The following P2RX5 variants were observed in gnomAD, a reference collection of about 807,000 sequenced individuals.
The protein encoded by P2RX5 is purinergic receptor P2X 5, also known as P2X purinoceptor 5.
In P2RX5, 46 loss-of-function variants were observed where a neutral mutation model predicts 54.1. That is an observed-to-expected ratio of 0.85 (90% CI 0.67 to 1.09). The LOEUF (loss-of-function observed/expected upper bound fraction) is 1.09, where lower values mean the gene tolerates loss of function less well. Ranked by LOEUF, P2RX5 falls within the 50% of genes least tolerant of loss-of-function variation. The pLI is 0.00. For synonymous variants in P2RX5, 226 were observed against 226.4 expected (o/e 1.00, Z 0.02); for missense variants, 566 against 549.8 (o/e 1.03, Z -0.29).
chr17:3,716,825 T>C, the P2RX5 span: 13 of 1,299,034 alleles, frequency 1.0e-5, no homozygotes, highest in Non-Finnish European at 1.4e-5. Flanking sequence ...GATCGCCCAA[T>C]AAATCAGGTG....
At chr17:3,713,315 G>A in the P2RX5 span, among the ~76,000 whole-genome samples, 3 of 151,686 alleles carry the variant, frequency 2.0e-5, no homozygotes, top group African/African-American at 2.4e-5. Context: ...ACCTATGACT[G>A]CATCACTGCC....
the P2RX5 span, chr17:3,714,937 GC>G: frequency 6.3e-7 from 1 of 1,593,826 alleles, no homozygotes; most frequent in Non-Finnish European, 8.6e-7. Context: ...TTTTAAAAAA[GC>G]CACACTGAAA....
At chr17:3,716,566 GAAA>G in the P2RX5 span, 1 of 669,114 alleles carries the variant, frequency 1.5e-6, no homozygotes, top group Non-Finnish European at 2.7e-6. Context: ...TGAAGGAGGA[GAAA>G]AAAGTGGCCA....
At chr17:3,692,111 T>G in intron 1 of P2RX5, 1 of 312,954 alleles carries the variant, frequency 3.2e-6, no homozygotes, top group Non-Finnish European at 6.0e-6. Flanking sequence ...GAGACCATCC[T>G]GGCTAACACA....
At chr17:3,699,634 CT>C (rs1433350531), upstream of P2RX5, among the ~76,000 whole-genome samples, 1 of 151,280 alleles carries the variant, frequency 6.6e-6, no homozygotes, top group Non-Finnish European at 1.5e-5. Flanking sequence ...GTGAAACCCC[CT>C]CTCTATGAAA....
chr17:3,677,568 C>T (rs915368293), intron 11 of P2RX5: 19 of 985,418 alleles, frequency 1.9e-5, no homozygotes, highest in Non-Finnish European at 2.2e-5. Context: ...CCATCATTCT[C>T]GGCAGGGATT....
chr17:3,674,293 G>A (rs561476676), intron 11 of P2RX5, among the ~76,000 whole-genome samples: 4 of 151,466 alleles, frequency 2.6e-5, no homozygotes, highest in African/African-American at 7.3e-5. Flanking sequence ...TCCAGCCTGG[G>A]CGATAAAGCG....
the P2RX5 span, among the ~76,000 whole-genome samples, chr17:3,701,510 T>C: frequency 6.6e-6 from 1 of 151,984 alleles, no homozygotes; most frequent in Non-Finnish European, 1.5e-5. Flanking sequence ...CTGAACAATA[T>C]GGAGAAACCC....
intron 11 of P2RX5, chr17:3,676,052 C>G: frequency 1.0e-6 from 1 of 985,466 alleles, no homozygotes; most frequent in South Asian, 4.7e-5. Flanking sequence ...GAGAGAACCC[C>G]TCCAAAGAGG....
intron 11 of P2RX5, among the ~76,000 whole-genome samples, chr17:3,674,735 CT>C (rs2050062855): frequency 6.6e-6 from 1 of 152,224 alleles, no homozygotes; most frequent in Non-Finnish European, 1.5e-5. Flanking sequence ...CTTCTCTTAC[CT>C]GGAATGCTTC....
chr17:3,699,092 C>CACCT (rs1567744015), upstream of P2RX5, among the ~76,000 whole-genome samples: 3 of 56,876 alleles, frequency 5.3e-5, no homozygotes, highest in African/African-American at 1.6e-4. Flanking sequence ...CACACACACA[C>CACCT]ACCTATATAT....
chr17:3,676,306 G>A (rs966568079), intron 11 of P2RX5: 21 of 985,328 alleles, frequency 2.1e-5, no homozygotes, highest in Admixed American at 6.2e-5. Flanking sequence ...TTAAGCGCCA[G>A]CGTCAGGAGA....
At chr17:3,680,737 G>A (rs186373) in intron 10 of P2RX5, among the ~76,000 whole-genome samples, 4,183 of 38,998 alleles carry the variant, frequency 0.11, 21 homozygotes, top group Non-Finnish European at 0.15. Flanking sequence ...TCCACCCTGC[G>A]TCCTCCACCC....
At chr17:3,680,273 G>GCT (rs2050220621) in intron 10 of P2RX5, among the ~76,000 whole-genome samples, 1 of 106,164 alleles carries the variant, frequency 9.4e-6, no homozygotes. Flanking sequence ...TCCACCCAGT[G>GCT]TCCTCCACCC....
At chr17:3,691,332 G>A (rs1005097811) in intron 2 of P2RX5, among the ~76,000 whole-genome samples, 1 of 152,254 alleles carries the variant, frequency 6.6e-6, no homozygotes, top group Non-Finnish European at 1.5e-5. Context: ...CCCAGAGGCA[G>A]TGACTTAGAA....
the P2RX5 span, among the ~76,000 whole-genome samples, chr17:3,721,430 C>T: frequency 2.0e-5 from 3 of 151,306 alleles, no homozygotes; most frequent in African/African-American, 4.9e-5. Context: ...AGCCACCATG[C>T]GTGGCTAATT....
the P2RX5 span, chr17:3,717,015 C>T: frequency 2.4e-3 from 1,151 of 470,992 alleles, 2 homozygotes; most frequent in Non-Finnish European, 3.6e-3. Flanking sequence ...AGAAACTATT[C>T]TGGCCCCTTA....
rs1432386966 is a variant in P2RX5 at position 3,690,479 on chromosome 17, C to A, written c.481G>T (p.Gly161Cys). ...CACCAGGCAAAGATCTCACAGGTGC[C>A]CCTGGCCAAGTTCTCTCTCCGCAGG... ...RCLRRENLAR[G>C]TCEIFAWCPL... The change falls in exon 5 of 12, where the codon GGC (glycine) becomes TGC (cysteine). Residue 161 changes from glycine to cysteine, a missense_variant. Transcript: ENST00000225328. The A allele has an allele frequency of 1.2e-6, 2 of 1,613,438 alleles. No homozygotes were observed. Among genetic ancestry groups the A allele is most frequent in the Non-Finnish European group, 1.7e-6 (2 of 1,179,916 alleles).
the P2RX5 span, among the ~76,000 whole-genome samples, chr17:3,702,964 C>T: frequency 6.6e-6 from 1 of 152,136 alleles, no homozygotes; most frequent in Non-Finnish European, 1.5e-5. Flanking sequence ...TGATAAAATC[C>T]TGGTGGACTC....
Sources: gnomAD v4.1 joint callset for allele counts (sites outside exome capture counted in the v4.1 genomes callset) on GRCh38, gnomAD v4.1.1 for gene constraint, MANE v1.5 for transcripts, NCBI Gene and HGNC (gene_info 2026-07-23, HGNC 2026-07-21) for gene names.